ZCCHC7: variants seen among roughly 807,000 people sequenced by gnomAD.
The protein encoded by ZCCHC7 is zinc finger CCHC-type containing 7.
In ZCCHC7, 35 loss-of-function variants were observed where a neutral mutation model predicts 52.0. The observed-to-expected ratio is 0.67, with a 90% CI of 0.51 to 0.89. The LOEUF is 0.89. Among genes scored for constraint, ZCCHC7 ranks in the 40% least tolerant of loss-of-function variants. The pLI is 0.00. For synonymous variants in ZCCHC7, 217 were observed against 221.5 expected (o/e 0.98, Z 0.18); for missense variants, 574 against 649.1 (o/e 0.88, Z 1.26).
chr9:37,316,035 C>T (rs1437455137), intron 5 of ZCCHC7, among the ~76,000 whole-genome samples: 1 of 149,768 alleles, frequency 6.7e-6, no homozygotes, highest in Non-Finnish European at 1.5e-5. Flanking sequence ...AAAAAGGGTT[C>T]CTTTTTGTTT....
intron 2 of ZCCHC7, among the ~76,000 whole-genome samples, chr9:37,250,123 T>A (rs985928729): frequency 2.6e-5 from 4 of 152,186 alleles, no homozygotes; most frequent in African/African-American, 9.7e-5. Context: ...TTGTGAAGAC[T>A]AAGTGAATTA....
rs557670229 is a variant in ZCCHC7 at position 37,260,611 on chromosome 9, TA to T, written c.611-41574del. ...TATATTGCCGAAGTACTAAGACTAC[TA>T]AACTGCCTTTAAATTGCTCTGTTCA... On this transcript the variant is annotated intron_variant, in intron 2 of 8. Transcript: ENST00000336755. 7.4e-4 allele frequency among the ~76,000 whole-genome samples: 113 copies of T among 152,362 alleles called. 1 individual carries two copies. The highest frequency in any genetic ancestry group is 1.5e-3 in the Non-Finnish European group (100 of 68,024).
intron 2 of ZCCHC7, among the ~76,000 whole-genome samples, chr9:37,175,538 C>T (rs548367425): frequency 1.3e-5 from 2 of 152,016 alleles, no homozygotes; most frequent in Non-Finnish European, 2.9e-5. Context: ...ACCCTTCCTC[C>T]AAACCCCTCC....
At chr9:37,161,647 A>G (rs367973134) in intron 2 of ZCCHC7, among the ~76,000 whole-genome samples, 10 of 152,336 alleles carry the variant, frequency 6.6e-5, no homozygotes, top group South Asian at 6.2e-4. Context: ...CTCACTTTGT[A>G]CATTAATAAT....
At chr9:37,138,558 A>G (rs117744096) in intron 2 of ZCCHC7, among the ~76,000 whole-genome samples, 6,225 of 152,200 alleles carry the variant, frequency 0.041, 192 homozygotes, top group Non-Finnish European at 0.06. Context: ...CATTTCTTCT[A>G]GTAACTGATT....
chr9:37,168,583 T>C (rs1221204353), intron 2 of ZCCHC7, among the ~76,000 whole-genome samples: 1 of 152,216 alleles, frequency 6.6e-6, no homozygotes, highest in African/African-American at 2.4e-5. Flanking sequence ...CCATAACGCC[T>C]ACTAAAATTA....
At chr9:37,241,823 C>G (rs1825885632) in intron 2 of ZCCHC7, among the ~76,000 whole-genome samples, 1 of 151,632 alleles carries the variant, frequency 6.6e-6, no homozygotes, top group African/African-American at 2.4e-5. Context: ...CTATTCTAAC[C>G]CCCCAAATAA....
intron 5 of ZCCHC7, among the ~76,000 whole-genome samples, chr9:37,312,129 G>A (rs1322878327): frequency 6.6e-6 from 1 of 152,126 alleles, no homozygotes; most frequent in Non-Finnish European, 1.5e-5. Context: ...AGATATGACT[G>A]GCCAGAAATA....
At chr9:37,156,216 G>A (rs1045901350) in intron 2 of ZCCHC7, among the ~76,000 whole-genome samples, 1 of 152,146 alleles carries the variant, frequency 6.6e-6, no homozygotes, top group African/African-American at 2.4e-5. Context: ...ACATTTTTGT[G>A]AACATTTATT....
At chr9:37,246,988 G>A (rs1056574133) in intron 2 of ZCCHC7, among the ~76,000 whole-genome samples, 14 of 152,168 alleles carry the variant, frequency 9.2e-5, no homozygotes, top group African/African-American at 3.1e-4. Flanking sequence ...ACAGTGTATC[G>A]TTAACTGTAC....
chr9:37,279,842 A>G (rs1827865189), intron 2 of ZCCHC7, among the ~76,000 whole-genome samples: 1 of 152,032 alleles, frequency 6.6e-6, no homozygotes, highest in African/African-American at 2.4e-5. Flanking sequence ...GACTAGGAAT[A>G]GTAGTAACAG....
At chr9:37,298,164 C>T (rs1281377617) in intron 2 of ZCCHC7, among the ~76,000 whole-genome samples, 1 of 152,138 alleles carries the variant, frequency 6.6e-6, no homozygotes, top group African/African-American at 2.4e-5. Flanking sequence ...TCACCATGCA[C>T]ATATAAAGAT....
At chr9:37,310,451 A>T (rs1829535523) in intron 5 of ZCCHC7, among the ~76,000 whole-genome samples, 2 of 152,176 alleles carry the variant, frequency 1.3e-5, no homozygotes, top group South Asian at 4.1e-4. Context: ...TGCTTCATTC[A>T]CCACTATGCC....
At chr9:37,184,586 G>A (rs1245585869) in intron 2 of ZCCHC7, among the ~76,000 whole-genome samples, 1 of 152,022 alleles carries the variant, frequency 6.6e-6, no homozygotes, top group Non-Finnish European at 1.5e-5. Context: ...TACATAGTAC[G>A]AATACCCTGA....
At chr9:37,295,386 A>G (rs1253295956) in intron 2 of ZCCHC7, among the ~76,000 whole-genome samples, 1 of 152,216 alleles carries the variant, frequency 6.6e-6, no homozygotes, top group Non-Finnish European at 1.5e-5. Flanking sequence ...ATACAAAGGA[A>G]TTTTATGTGT....
intron 2 of ZCCHC7, among the ~76,000 whole-genome samples, chr9:37,177,443 T>C (rs1482638633): frequency 1.3e-5 from 2 of 152,192 alleles, no homozygotes; most frequent in Non-Finnish European, 2.9e-5. Flanking sequence ...GACTAATCTT[T>C]GTGCAGTGTG....
chr9:37,126,231 A>T, intron 1 of ZCCHC7, 81 bp from the exon 2 acceptor site: 1 of 1,307,772 alleles, frequency 7.6e-7, no homozygotes, highest in Non-Finnish European at 1.0e-6. Flanking sequence ...AGCAGTTGTC[A>T]CTGACAGGTG....
intron 2 of ZCCHC7, among the ~76,000 whole-genome samples, chr9:37,247,984 C>T (rs1235822013): frequency 6.6e-6 from 1 of 151,886 alleles, no homozygotes; most frequent in Non-Finnish European, 1.5e-5. Flanking sequence ...CTTCACTTGA[C>T]ACCAAGACAA....
At chr9:37,294,776 A>T in intron 2 of ZCCHC7, among the ~76,000 whole-genome samples, 1 of 152,100 alleles carries the variant, frequency 6.6e-6, no homozygotes, top group East Asian at 1.9e-4. Flanking sequence ...TATTCTGATA[A>T]CTGGATAGAT....
Sources: allele counts gnomAD v4.1 joint callset (sites outside exome capture counted in the v4.1 genomes callset), GRCh38; gene constraint gnomAD v4.1.1; transcripts MANE v1.5; gene names NCBI Gene and HGNC (gene_info 2026-07-23, HGNC 2026-07-21).